Variants in PTPRM observed in about 807,000 individuals in gnomAD.
The protein encoded by PTPRM is protein tyrosine phosphatase receptor type M.
Under a neutral mutation model 186.7 loss-of-function variants are expected in PTPRM, and 47 were observed. The observed-to-expected ratio is 0.25, with a 90% CI of 0.20 to 0.32. The LOEUF (loss-of-function observed/expected upper bound fraction) is 0.32, where lower values mean the gene tolerates loss of function less well. PTPRM is among the 10% of genes least tolerant of loss of function. The pLI is 1.00. For missense variants in PTPRM, 1,494 were observed against 1,865.0 expected (o/e 0.80, Z 3.66); for synonymous variants, 668 against 674.9 (o/e 0.99, Z 0.16).
intron 2 of PTPRM, among the ~76,000 whole-genome samples, chr18:7,813,188 G>A (rs184489647): frequency 1.3e-5 from 2 of 152,356 alleles, no homozygotes; most frequent in Admixed American, 1.3e-4. Flanking sequence ...GGATAAATGA[G>A]TGAGGGGAAT....
intron 30 of PTPRM, among the ~76,000 whole-genome samples, chr18:8,385,749 T>G (rs1352978118): frequency 6.6e-6 from 1 of 152,222 alleles, no homozygotes; most frequent in Non-Finnish European, 1.5e-5. Flanking sequence ...ATTACAGAGT[T>G]TTGAGTGCAA....
chr18:8,388,777 C>T (rs564177162), intron 31 of PTPRM, among the ~76,000 whole-genome samples: 1 of 152,168 alleles, frequency 6.6e-6, no homozygotes, highest in African/African-American at 2.4e-5. Context: ...CTGGCTAACA[C>T]GTTGAAACCC....
At position 7,906,559 on chromosome 18, in the gene PTPRM, G is replaced by A. The variant is rs1257017653; in HGVS notation, c.523G>A (p.Val175Met). 14 of 1,613,270 alleles carry A rather than the reference G, an allele frequency of 8.7e-6. No homozygotes were observed. The East Asian group carries it at 3.1e-4, about 36-fold the overall frequency. Residue 175 changes from valine (V) to methionine (M), a missense_variant, in exon 4 of 33, where the codon GTG (valine) becomes ATG (methionine). Around this residue, in one of 3 missense-constraint regions of PTPRM, gnomAD observed 296 missense variants for 345.5 expected, o/e 0.86. Transcript: ENST00000580170. ...TCAAGGCTATCTCGCTATCGATGAG[G>A]TGAAGGTGTTAGGACATCCATGTAG... is the stretch of plus-strand genomic sequence containing the variant. The part of the protein sequence containing the change: ...GHQGYLAIDE[V>M]KVLGHPCTRT...
intron 7 of PTPRM, among the ~76,000 whole-genome samples, chr18:8,002,375 A>T (rs2083924969): frequency 6.6e-6 from 1 of 152,224 alleles, no homozygotes; most frequent in South Asian, 2.1e-4. Context: ...ACCTGAATGC[A>T]TGCTAGCTCT....
At chr18:7,959,948 A>G (rs893590558) in intron 7 of PTPRM, among the ~76,000 whole-genome samples, 2 of 152,244 alleles carry the variant, frequency 1.3e-5, no homozygotes, top group Admixed American at 1.3e-4. Context: ...GTTAAACAAA[A>G]TGCAATTTAG....
chr18:7,709,381 T>TCC (rs1241548267), intron 1 of PTPRM, among the ~76,000 whole-genome samples: 262 of 152,210 alleles, frequency 1.7e-3, no homozygotes, highest in African/African-American at 6.1e-3. Flanking sequence ...ACACAACTTA[T>TCC]CAAAACCTCT....
chr18:7,582,862 C>A (rs2036882208), intron 1 of PTPRM, among the ~76,000 whole-genome samples: 1 of 152,160 alleles, frequency 6.6e-6, no homozygotes, highest in Admixed American at 6.5e-5. Context: ...TTTTTTCAAT[C>A]CCTGTGTCCC....
At chr18:7,997,620 C>A (rs1599947014) in intron 7 of PTPRM, among the ~76,000 whole-genome samples, 1 of 152,250 alleles carries the variant, frequency 6.6e-6, no homozygotes, top group Non-Finnish European at 1.5e-5. Flanking sequence ...TATTTGCAAT[C>A]TATCCATTGG....
In PTPRM at chr18:8,406,802, G is replaced by A. The variant is rs1000877775; in HGVS notation, c.*640G>A. ...CAGAGCTTTTCCATGTGTTTATATT[G>A]TAAATATTTTTGATTTCATCAAATT... On this transcript the variant is annotated 3_prime_UTR_variant, in exon 33 of 33. Coordinates refer to ENST00000580170, the MANE Select transcript of PTPRM (RefSeq NM_001105244.2). 6.6e-6 allele frequency: 1 copy of A among 152,100 alleles called. No individual in the cohort carries two copies. The highest frequency in any genetic ancestry group is 1.5e-5 in the Non-Finnish European group (1 of 68,024). The allele number at this position is 152,100 out of a possible 1,614,324, so 9.4% of individuals were successfully genotyped here. A position where few individuals can be genotyped will look rare whatever the true frequency, so the allele number is the denominator to read the frequency against.
At position 8,223,210 on chromosome 18, in the gene PTPRM, C is replaced by T. The variant is rs550813057; in HGVS notation, c.2301-20848C>T. On this transcript the variant is annotated intron_variant, in intron 14 of 32. Coordinates refer to ENST00000580170, the MANE Select transcript of PTPRM (RefSeq NM_001105244.2). ...CTGCACTCCAGCCTGGGAGACAGAG[C>T]GGGACTCTGTCTCAAAAATAAATAA... 4.6e-5 allele frequency among the ~76,000 whole-genome samples: 7 copies of T among 152,082 alleles called. No homozygotes were observed. The East Asian group carries it at 5.8e-4, about 13-fold the overall frequency.
chr18:8,100,472 C>T (rs959149395), intron 11 of PTPRM, among the ~76,000 whole-genome samples: 2 of 152,114 alleles, frequency 1.3e-5, no homozygotes, highest in Non-Finnish European at 2.9e-5. Context: ...GACCAAATCT[C>T]GTGCAAACTC....
At chr18:8,032,541 A>C (rs2086049156) in intron 7 of PTPRM, among the ~76,000 whole-genome samples, 1 of 152,190 alleles carries the variant, frequency 6.6e-6, no homozygotes, top group Non-Finnish European at 1.5e-5. Context: ...TTCTCCCAAG[A>C]GTAATCTACA....
chr18:8,272,821 T>A (rs1601581749), intron 19 of PTPRM, among the ~76,000 whole-genome samples: 2 of 152,186 alleles, frequency 1.3e-5, no homozygotes, highest in East Asian at 3.8e-4. Flanking sequence ...ACTTAATTTT[T>A]GTCTATTTAA....
intron 19 of PTPRM, among the ~76,000 whole-genome samples, chr18:8,283,274 A>G (rs2094923609): frequency 6.6e-6 from 1 of 152,226 alleles, no homozygotes; most frequent in Non-Finnish European, 1.5e-5. Context: ...TCTCCATACC[A>G]TCCTTGCAAC....
chr18:8,126,044 C>A (rs2145878438), intron 13 of PTPRM, among the ~76,000 whole-genome samples: 2 of 89,098 alleles, frequency 2.2e-5, no homozygotes, highest in East Asian at 4.1e-4. Context: ...ATCAGTAGAC[C>A]TTTCCATTGC....
intron 1 of PTPRM, among the ~76,000 whole-genome samples, chr18:7,681,834 A>G (rs368651671): frequency 1.3e-5 from 2 of 152,116 alleles, no homozygotes; most frequent in East Asian, 1.9e-4. Context: ...TTATGGTTTA[A>G]TTGGGTGGAT....
At position 8,265,561 on chromosome 18, in the gene PTPRM, A is replaced by C. The variant is rs141865992; in HGVS notation, c.2754+12147A>C. The stretch of plus-strand genomic sequence containing the variant: ...AAGTTGATGAATCTTTTTTCAATGG[A>C]ATGATACAAAATAACTGACAATCTT... On this transcript the variant is annotated intron_variant, in intron 19 of 32. Transcript: ENST00000580170. 1.1e-3 allele frequency among the ~76,000 whole-genome samples: 163 copies of C among 151,402 alleles called. 1 individual carries two copies. Among genetic ancestry groups the C allele is most frequent in the African/African-American group, 3.6e-3 (150 of 41,412 alleles).
chr18:7,855,360 C>A (rs1047409768), intron 2 of PTPRM, among the ~76,000 whole-genome samples: 1 of 152,174 alleles, frequency 6.6e-6, no homozygotes, highest in Non-Finnish European at 1.5e-5. Flanking sequence ...TTGGGAAGTG[C>A]CTCATTCCCA....
At position 7,665,165 on chromosome 18, in the gene PTPRM, G is replaced by A. The variant is rs188868282; in HGVS notation, c.73+97274G>A. 6.0e-3 allele frequency among the ~76,000 whole-genome samples: 916 copies of A among 152,240 alleles called. 2 individuals are homozygous for A. Among genetic ancestry groups the A allele is most frequent in the Middle Eastern group, 0.027 (8 of 294 alleles). On this transcript the variant is annotated intron_variant, in intron 1 of 32. Transcript: ENST00000580170. ...ATTGAAGGTGACCTATTCATTTTAT[G>A]TTTAGACTGATGATTTAGAAGGTTT... is the stretch of plus-strand genomic sequence containing the variant.
Sources: allele counts gnomAD v4.1 joint callset (sites outside exome capture counted in the v4.1 genomes callset), GRCh38; gene constraint gnomAD v4.1.1; regional missense constraint gnomAD v4.1.1; transcripts MANE v1.5; gene names NCBI Gene and HGNC (gene_info 2026-07-23, HGNC 2026-07-21).